Variants in PPFIA1 observed in about 807,000 individuals in gnomAD.
The protein encoded by PPFIA1 is liprin-alpha-1.
PPFIA1 carries 25 observed loss-of-function variants against 149.9 expected under a neutral mutation model. That is an observed-to-expected ratio of 0.17 (90% CI 0.12 to 0.23). The LOEUF (loss-of-function observed/expected upper bound fraction) is 0.23, where lower values mean the gene tolerates loss of function less well. Ranked by LOEUF, PPFIA1 falls within the 10% of genes least tolerant of loss-of-function variation. PPFIA1 has a pLI of 1.00. For missense variants in PPFIA1, 1,362 were observed against 1,506.5 expected, an observed-to-expected ratio of 0.90 and a Z score of 1.59; for synonymous variants, 549 against 552.8, an observed-to-expected ratio of 0.99 and a Z score of 0.10.
At chr11:70,356,681 T>G (rs112076126) in intron 19 of PPFIA1, among the ~76,000 whole-genome samples, 10 of 152,240 alleles carry the variant, frequency 6.6e-5, no homozygotes, top group Non-Finnish European at 1.5e-5. Context: ...TGCATACAGT[T>G]CTTTAAACAG....
At chr11:70,322,268 A>G (rs1428079668) in intron 2 of PPFIA1, among the ~76,000 whole-genome samples, 2 of 152,218 alleles carry the variant, frequency 1.3e-5, no homozygotes, top group Admixed American at 6.5e-5. Context: ...GAACCCCTTC[A>G]TGAGATGACA....
intron 2 of PPFIA1, among the ~76,000 whole-genome samples, chr11:70,285,550 C>T (rs943639022): frequency 5.9e-5 from 9 of 151,410 alleles, no homozygotes; most frequent in South Asian, 2.1e-4. Context: ...CGTGGTGGTG[C>T]GCAGCTGTAA....
intron 24 of PPFIA1, 90 bp from the exon 25 acceptor site, chr11:70,376,442 T>G: frequency 1.5e-6 from 2 of 1,303,760 alleles, no homozygotes. Flanking sequence ...TGAGGGAGTT[T>G]AAGTCTTGGT....
At chr11:70,372,171 T>G in intron 21 of PPFIA1, 44 bp from the exon 22 acceptor site, 2 of 1,539,104 alleles carry the variant, frequency 1.3e-6, no homozygotes, top group Non-Finnish European at 1.8e-6. Context: ...AAACTACTTT[T>G]GAGACTTCCT....
chr11:70,284,752 G>C (rs1365017494), intron 2 of PPFIA1, among the ~76,000 whole-genome samples: 5 of 152,228 alleles, frequency 3.3e-5, no homozygotes, highest in Non-Finnish European at 1.5e-5. Flanking sequence ...TTGAGCAAAG[G>C]CCAGAGCAAG....
intron 14 of PPFIA1, among the ~76,000 whole-genome samples, chr11:70,341,489 G>A (rs1168436789): frequency 6.6e-6 from 1 of 152,110 alleles, no homozygotes; most frequent in African/African-American, 2.4e-5. Flanking sequence ...GAAGACACTG[G>A]CTTAGAGGAG....
intron 15 of PPFIA1, among the ~76,000 whole-genome samples, chr11:70,347,110 GT>G (rs1479834078): frequency 2.6e-5 from 4 of 152,178 alleles, no homozygotes; most frequent in Non-Finnish European, 5.9e-5. Context: ...ACAGTTAAGT[GT>G]TGGGAAACTC....
intron 21 of PPFIA1, chr11:70,364,478 A>G (rs1169737657): frequency 6.6e-6 from 1 of 152,216 alleles, no homozygotes; most frequent in Non-Finnish European, 1.5e-5. Context: ...TCTTGTTGCA[A>G]TGAAGAGCCT....
chr11:70,354,449 G>T lies in PPFIA1; in HGVS notation c.2312G>T (p.Arg771Met). 1 of 1,612,130 alleles carries T rather than the reference G, an allele frequency of 6.2e-7. No homozygotes were observed. Among genetic ancestry groups the T allele is most frequent in the South Asian group, 1.1e-5 (1 of 90,734 alleles). Reference protein sequence around the residue: ...TVSHEDIRDIRNSTGSQDGPV... With the variant: ...TVSHEDIRDIMNSTGSQDGPV... ...AGCCACGAGGACATCAGGGACATAA[G>T]GAAGTAAGGAGCCTGCAGCAGCCCC... The change falls in exon 17 of 28, where the codon AGG (arginine) becomes ATG (methionine). Residue 771 changes from arginine (R) to methionine (M), a missense_variant. By Grantham distance (91) the Arg-to-Met change is moderately conservative. Around this residue, in one of 7 missense-constraint regions of PPFIA1, gnomAD observed 733 missense variants for 744.1 expected, o/e 0.99. Coordinates refer to ENST00000253925, the MANE Select transcript of PPFIA1 (RefSeq NM_003626.5).
chr11:70,340,634 G>C (rs1428198651), intron 14 of PPFIA1, among the ~76,000 whole-genome samples: 1 of 152,102 alleles, frequency 6.6e-6, no homozygotes, highest in East Asian at 1.9e-4. Flanking sequence ...TAGAGTCCTA[G>C]GCCTGCAGCA....
chr11:70,361,833 C>G (rs1302306937), intron 19 of PPFIA1, among the ~76,000 whole-genome samples: 1 of 151,292 alleles, frequency 6.6e-6, no homozygotes, highest in Non-Finnish European at 1.5e-5. Flanking sequence ...TTATATTGCC[C>G]AGGCTGCTCT....
intron 8 of PPFIA1, among the ~76,000 whole-genome samples, chr11:70,331,492 T>C (rs1014844801): frequency 1.3e-5 from 2 of 151,898 alleles, no homozygotes; most frequent in Non-Finnish European, 2.9e-5. Context: ...AAGAAAACCT[T>C]ACCCAGGCCG....
At chr11:70,328,055 T>TAA in intron 7 of PPFIA1, among the ~76,000 whole-genome samples, 1 of 152,256 alleles carries the variant, frequency 6.6e-6, no homozygotes, top group South Asian at 2.1e-4. Flanking sequence ...TTGAAATTCT[T>TAA]TTAAGACCTA....
At chr11:70,301,823 G>A (rs1206637238) in intron 2 of PPFIA1, among the ~76,000 whole-genome samples, 2 of 152,192 alleles carry the variant, frequency 1.3e-5, no homozygotes, top group Admixed American at 1.3e-4. Flanking sequence ...CATTCATAGA[G>A]CTCTCGTCAG....
intron 2 of PPFIA1, among the ~76,000 whole-genome samples, chr11:70,314,112 G>A (rs1001090473): frequency 5.3e-5 from 8 of 152,344 alleles, no homozygotes; most frequent in African/African-American, 1.9e-4. Context: ...CACTGCATAG[G>A]GTGAGCAGCA....
At chr11:70,339,935 G>C (rs1043239968) in intron 14 of PPFIA1, among the ~76,000 whole-genome samples, 2 of 152,064 alleles carry the variant, frequency 1.3e-5, no homozygotes, top group African/African-American at 4.8e-5. Context: ...AGAATCGCTT[G>C]AACCCGGGAG....
intron 23 of PPFIA1, chr11:70,374,115 T>A (rs190704288): frequency 2.0e-5 from 3 of 152,360 alleles, no homozygotes; most frequent in African/African-American, 7.2e-5. Flanking sequence ...AGCTCATGCC[T>A]GTAATCTCAG....
chr11:70,338,080 T>C (rs1441287913), intron 12 of PPFIA1, among the ~76,000 whole-genome samples: 1 of 152,246 alleles, frequency 6.6e-6, no homozygotes, highest in Non-Finnish European at 1.5e-5. Context: ...AAGAGTCTGC[T>C]TCTCTACGAA....
intron 2 of PPFIA1, among the ~76,000 whole-genome samples, chr11:70,320,468 G>A (rs1248249974): frequency 7.2e-6 from 1 of 139,824 alleles, no homozygotes. Flanking sequence ...AGACGCTCTC[G>A]TCACCCGGCC....
Sources: allele counts gnomAD v4.1 joint callset (sites outside exome capture counted in the v4.1 genomes callset), GRCh38; gene constraint gnomAD v4.1.1; regional missense constraint gnomAD v4.1.1; transcripts MANE v1.5; gene names NCBI Gene and HGNC (gene_info 2026-07-23, HGNC 2026-07-21).